CDH8: variants seen among roughly 807,000 people sequenced by gnomAD.
CDH8 encodes cadherin 8.
CDH8 carries 17 observed loss-of-function variants against 68.1 expected under a neutral mutation model. That is an observed-to-expected ratio of 0.25 (90% CI 0.17 to 0.37). The LOEUF is 0.37. Among genes scored for constraint, CDH8 ranks in the 10% least tolerant of loss-of-function variants. The pLI, the probability that CDH8 is intolerant of heterozygous loss-of-function variation, is 1.00. For missense variants in CDH8, 763 were observed against 999.3 expected, an observed-to-expected ratio of 0.76 and a Z score of 3.19; for synonymous variants, 372 against 365.1, an observed-to-expected ratio of 1.02 and a Z score of -0.21.
At chr16:61,886,455 C>A (rs549181834) in intron 3 of CDH8, among the ~76,000 whole-genome samples, 1 of 152,318 alleles carries the variant, frequency 6.6e-6, no homozygotes, top group South Asian at 2.1e-4. Flanking sequence ...AGGCATCCAG[C>A]AGACTACTTT....
At chr16:61,988,586 A>AAAAC (rs113741379) in intron 2 of CDH8, among the ~76,000 whole-genome samples, 11,018 of 152,050 alleles carry the variant, frequency 0.072, 1,092 homozygotes, top group African/African-American at 0.23. Flanking sequence ...GCAACAAACA[A>AAAAC]AAACAAACAA....
intron 8 of CDH8, among the ~76,000 whole-genome samples, chr16:61,750,420 C>G (rs940108452): frequency 6.6e-6 from 1 of 152,074 alleles, no homozygotes; most frequent in Non-Finnish European, 1.5e-5. Flanking sequence ...CATTGCATTT[C>G]ATTCTGACTA....
chr16:61,875,488 C>T (rs188815943), intron 3 of CDH8, among the ~76,000 whole-genome samples: 16 of 152,196 alleles, frequency 1.1e-4, no homozygotes, highest in Middle Eastern at 3.4e-3. Context: ...TGAGCAGGAA[C>T]GGGACTATTA....
intron 8 of CDH8, among the ~76,000 whole-genome samples, chr16:61,747,111 A>C (rs1296981692): frequency 1.3e-5 from 2 of 152,094 alleles, no homozygotes; most frequent in African/African-American, 2.4e-5. Context: ...ACATTTATAC[A>C]TTACTACTTC....
chr16:61,918,948 C>G (rs908618641), intron 2 of CDH8, among the ~76,000 whole-genome samples: 3 of 148,334 alleles, frequency 2.0e-5, no homozygotes, highest in African/African-American at 7.5e-5. Context: ...AGTGGTTCTC[C>G]CAGCACGCAG....
At chr16:61,672,291 G>T (rs1262098505) in intron 10 of CDH8, among the ~76,000 whole-genome samples, 1 of 151,964 alleles carries the variant, frequency 6.6e-6, no homozygotes, top group Non-Finnish European at 1.5e-5. Flanking sequence ...TTATTGAAAG[G>T]CTTATATTAG....
At chr16:61,742,392 C>T (rs1452781725) in intron 8 of CDH8, among the ~76,000 whole-genome samples, 1 of 152,024 alleles carries the variant, frequency 6.6e-6, no homozygotes, top group Non-Finnish European at 1.5e-5. Flanking sequence ...TTGAATAAAA[C>T]TAGCAATGGT....
At chr16:61,879,178 T>C (rs1597036779) in intron 3 of CDH8, among the ~76,000 whole-genome samples, 1 of 152,068 alleles carries the variant, frequency 6.6e-6, no homozygotes, top group Non-Finnish European at 1.5e-5. Context: ...TTACCTCTGA[T>C]GACAACAATT....
intron 3 of CDH8, among the ~76,000 whole-genome samples, chr16:61,868,415 T>C (rs1963295057): frequency 6.6e-6 from 1 of 152,208 alleles, no homozygotes; most frequent in African/African-American, 2.4e-5. Context: ...AATTATGTGT[T>C]ATGTCTACTG....
intron 10 of CDH8, among the ~76,000 whole-genome samples, chr16:61,699,768 G>T (rs1964388476): frequency 1.3e-5 from 2 of 152,030 alleles, no homozygotes; most frequent in Non-Finnish European, 2.9e-5. Flanking sequence ...AGAGATGGGG[G>T]TTTCACCATG....
At chr16:62,019,147 A>G (rs1432926318) in intron 2 of CDH8, among the ~76,000 whole-genome samples, 1 of 152,262 alleles carries the variant, frequency 6.6e-6, no homozygotes, top group Non-Finnish European at 1.5e-5. Flanking sequence ...CCAGAATTTC[A>G]TATGGTATAA....
chr16:61,902,250 T>C (rs927130597), intron 2 of CDH8, among the ~76,000 whole-genome samples: 1 of 152,106 alleles, frequency 6.6e-6, no homozygotes, highest in African/African-American at 2.4e-5. Flanking sequence ...TTTTTGGTCA[T>C]AGCAATGAAT....
At chr16:61,996,301 G>A (rs1189610024) in intron 2 of CDH8, among the ~76,000 whole-genome samples, 3 of 152,174 alleles carry the variant, frequency 2.0e-5, no homozygotes, top group Non-Finnish European at 4.4e-5. Context: ...TCTTGACACC[G>A]TCATTGCAGG....
At chr16:61,955,600 A>T (rs1168533234) in intron 2 of CDH8, among the ~76,000 whole-genome samples, 1 of 152,026 alleles carries the variant, frequency 6.6e-6, no homozygotes, top group African/African-American at 2.4e-5. Flanking sequence ...CTACTTTCTT[A>T]ATTTTTTCTT....
intron 8 of CDH8, among the ~76,000 whole-genome samples, chr16:61,748,103 C>G (rs1960067711): frequency 6.6e-6 from 1 of 151,870 alleles, no homozygotes; most frequent in South Asian, 2.1e-4. Flanking sequence ...GGTTGGTGTC[C>G]AAGCTCTGTG....
In CDH8 at chr16:61,724,471, A is replaced by G. The variant is rs1369969661; in HGVS notation, c.1536+2623T>C. Among the ~76,000 whole-genome samples the G allele has an allele frequency of 4.0e-5, 6 of 150,718 alleles. No individual in the cohort carries two copies. In the South Asian group the frequency reaches 8.3e-4, roughly 21 times the overall value. On this transcript the variant is annotated intron_variant, in intron 9 of 11. Transcript: ENST00000577390. Reference sequence around the variant, plus strand: ...CTTTACATAGGCCCTTTTGGTCCAGAGAGTTTATACAGCCTGGATTTTTTT... The same window carrying G: ...CTTTACATAGGCCCTTTTGGTCCAGGGAGTTTATACAGCCTGGATTTTTTT...
At chr16:61,996,286 C>T (rs1567561441) in intron 2 of CDH8, among the ~76,000 whole-genome samples, 1 of 152,178 alleles carries the variant, frequency 6.6e-6, no homozygotes, top group Non-Finnish European at 1.5e-5. Context: ...AATTGAGCAA[C>T]ACAGTCTTGA....
At chr16:61,789,503 T>C in intron 7 of CDH8, 21 bp from the exon 8 acceptor site, 2 of 1,610,000 alleles carry the variant, frequency 1.2e-6, no homozygotes, top group Admixed American at 1.7e-5. Context: ...GACACATCTG[T>C]AATCTACTTC....
rs180721322 is a variant in CDH8 at position 61,661,909 on chromosome 16, A to G, written c.1655-6188T>C. ...TAGTACACTAATGAGAACTTCTAAT[A>G]CAATTTTGAGTACAAGAAGTTATAG... On this transcript the variant is annotated intron_variant, in intron 10 of 11. Transcript: ENST00000577390. Among the ~76,000 whole-genome samples, 538 of 151,796 alleles carry G rather than the reference A, an allele frequency of 3.5e-3. 2 individuals carry two copies. The highest frequency in any genetic ancestry group is 0.012 in the African/African-American group (515 of 41,518).
Sources: gnomAD v4.1 joint callset for allele counts (sites outside exome capture counted in the v4.1 genomes callset) on GRCh38, gnomAD v4.1.1 for gene constraint, MANE v1.5 for transcripts, NCBI Gene and HGNC (gene_info 2026-07-23, HGNC 2026-07-21) for gene names.